The following VPS13D variants were observed in gnomAD, a reference collection of about 807,000 sequenced individuals.
VPS13D encodes intermembrane lipid transfer protein VPS13D.
Under a neutral mutation model 461.9 loss-of-function variants are expected in VPS13D, and 187 were observed. The observed-to-expected ratio is 0.40, with a 90% confidence interval of 0.36 to 0.46. The LOEUF is 0.46. VPS13D is among the 20% of genes least tolerant of loss of function. The probability of loss-of-function intolerance (pLI) is 0.60; values close to 1 mark genes in which losing one functional copy is unlikely to be tolerated. For missense variants in VPS13D, 4,711 were observed against 5,364.9 expected (o/e 0.88, Z 3.81); for synonymous variants, 1,951 against 1,986.3 (o/e 0.98, Z 0.47).
chr1:12,278,169 C>A, intron 19 of VPS13D, 131 bp downstream of exon 19: 1 of 1,015,760 alleles, frequency 9.8e-7, no homozygotes, highest in Non-Finnish European at 1.4e-6. Flanking sequence ...TTTAAGAAAT[C>A]AAAGAGTTTT....
chr1:12,477,441 G>T (rs1645647243), intron 67 of VPS13D, among the ~76,000 whole-genome samples: 1 of 152,156 alleles, frequency 6.6e-6, no homozygotes, highest in African/African-American at 2.4e-5. Context: ...CACTTGGAGA[G>T]CCTGGATTCA....
At chr1:12,259,543 A>G (rs1287780136) in intron 10 of VPS13D, among the ~76,000 whole-genome samples, 2 of 152,000 alleles carry the variant, frequency 1.3e-5, no homozygotes, top group Non-Finnish European at 2.9e-5. Context: ...GGCTCAAGCA[A>G]TTTGCCCGCT....
chr1:12,292,713 A>G (rs1386647143), intron 23 of VPS13D, among the ~76,000 whole-genome samples: 4 of 152,102 alleles, frequency 2.6e-5, no homozygotes, highest in African/African-American at 9.7e-5. Context: ...TGTTGGGATT[A>G]CAGGCGTGAG....
intron 16 of VPS13D, among the ~76,000 whole-genome samples, chr1:12,270,469 A>G (rs76280073): frequency 1.3e-5 from 2 of 152,024 alleles, no homozygotes; most frequent in Non-Finnish European, 1.5e-5. Flanking sequence ...AGAAGAAGAG[A>G]AAAAAAAGAA....
At chr1:12,504,935 CGCTGGGGGCTGGGG>C (rs547242784) in intron 68 of VPS13D, among the ~76,000 whole-genome samples, 93 of 151,726 alleles carry the variant, frequency 6.1e-4, no homozygotes, top group African/African-American at 2.0e-3. Context: ...AGGGTGGTGG[CGCTGGGGGCTGGGG>C]GCTGGGGGCT....
At chr1:12,375,765 C>T (rs1644189189) in intron 55 of VPS13D, among the ~76,000 whole-genome samples, 1 of 152,208 alleles carries the variant, frequency 6.6e-6, no homozygotes, top group South Asian at 2.1e-4. Flanking sequence ...TGGCTTCAGC[C>T]CCTGCTCTGG....
At chr1:12,498,276 T>C (rs1237515245) in intron 68 of VPS13D, among the ~76,000 whole-genome samples, 2 of 152,070 alleles carry the variant, frequency 1.3e-5, no homozygotes, top group African/African-American at 4.8e-5. Context: ...TGTCTGGGAG[T>C]AGCAAAATAC....
intron 55 of VPS13D, among the ~76,000 whole-genome samples, chr1:12,377,051 CT>C (rs1244096196): frequency 2.0e-5 from 3 of 151,358 alleles, no homozygotes; most frequent in Non-Finnish European, 4.4e-5. Flanking sequence ...GAGTTTTTTT[CT>C]TTTTTTCTTT....
chr1:12,321,389 T>C (rs1643031222), intron 32 of VPS13D, among the ~76,000 whole-genome samples: 1 of 152,228 alleles, frequency 6.6e-6, no homozygotes, highest in Admixed American at 6.5e-5. Flanking sequence ...GTTGTAACTG[T>C]CTTCTTAAAA....
intron 65 of VPS13D, among the ~76,000 whole-genome samples, chr1:12,422,493 A>G (rs558719847): frequency 3.3e-5 from 5 of 152,240 alleles, no homozygotes; most frequent in African/African-American, 1.2e-4. Flanking sequence ...ATTTTATTCT[A>G]TGTTGTTTTA....
At position 12,391,009 on chromosome 1, in the gene VPS13D, C is replaced by G. The variant is rs191852004; in HGVS notation, c.11634+4675C>G. The stretch of plus-strand genomic sequence containing the variant: ...CAAGTATCTTCAGTTTTTGACCACT[C>G]AGAGAGGTCCATCCACATACCTATT... On this transcript the variant is annotated intron_variant, in intron 60 of 69. Coordinates refer to ENST00000620676, the MANE Select transcript of VPS13D (RefSeq NM_015378.4). Among the ~76,000 whole-genome samples the G allele has an allele frequency of 1.3e-4, 20 of 152,318 alleles. No homozygotes were observed. In the East Asian group the frequency reaches 3.7e-3, roughly 28 times the overall value.
intron 3 of VPS13D, among the ~76,000 whole-genome samples, chr1:12,243,318 A>G (rs975853253): frequency 6.6e-6 from 1 of 152,072 alleles, no homozygotes; most frequent in African/African-American, 2.4e-5. Flanking sequence ...AGGCTGGAGT[A>G]CAGGGATGCT....
chr1:12,259,117 T>C (rs948157055), intron 10 of VPS13D, among the ~76,000 whole-genome samples: 1 of 151,818 alleles, frequency 6.6e-6, no homozygotes, highest in African/African-American at 2.4e-5. Context: ...TCATGGTCAC[T>C]GCAACCTCCG....
intron 55 of VPS13D, among the ~76,000 whole-genome samples, chr1:12,374,940 G>T (rs1185552377): frequency 6.6e-6 from 1 of 152,210 alleles, no homozygotes; most frequent in African/African-American, 2.4e-5. Context: ...GTTTCGCCAT[G>T]TTGGCCAGGC....
At chr1:12,387,583 C>T (rs1644365942) in intron 60 of VPS13D, among the ~76,000 whole-genome samples, 1 of 151,634 alleles carries the variant, frequency 6.6e-6, no homozygotes, top group South Asian at 2.1e-4. Flanking sequence ...AAAACTGATT[C>T]ACAACTGGCA....
At chr1:12,235,764 G>A (rs1640128886) in intron 2 of VPS13D, among the ~76,000 whole-genome samples, 1 of 152,152 alleles carries the variant, frequency 6.6e-6, no homozygotes, top group South Asian at 2.1e-4. Context: ...TGAGCAGTCT[G>A]TCAGGGAAGA....
chr1:12,499,755 A>G (rs576978808), intron 68 of VPS13D: 12 of 985,316 alleles, frequency 1.2e-5, no homozygotes, highest in Middle Eastern at 5.2e-4. Flanking sequence ...CCAAGTGTAC[A>G]AGGAAGAAGC....
Position 12,257,032 on chromosome 1 carries a change from A to C in VPS13D, c.886A>C (p.Lys296Gln), listed in dbSNP as rs1202054434. The C allele has an allele frequency of 6.2e-7, 1 of 1,614,162 alleles. No homozygotes were observed. Among genetic ancestry groups the C allele is most frequent in the Non-Finnish European group, 8.5e-7 (1 of 1,180,020 alleles). Reference sequence around the variant, plus strand: ...GGAATTCCTCAAGGAGCTGGAACGAAAGGAGAGGCAGGTGAAGTTCCGAAG... The same window carrying C: ...GGAATTCCTCAAGGAGCTGGAACGACAGGAGAGGCAGGTGAAGTTCCGAAG... ...IMEFLKELER[K>Q]ERQVKFRRWK... The change falls in exon 9 of 70, where the codon AAG becomes CAG. Residue 296 changes from lysine (K) to glutamine (Q), a missense_variant. By Grantham distance (53) the Lys-to-Gln change is moderately conservative. Coordinates refer to ENST00000620676, the MANE Select transcript of VPS13D (RefSeq NM_015378.4).
chr1:12,416,874 C>A (rs1327237920), intron 65 of VPS13D, 47 bp downstream of exon 65: 1 of 1,528,952 alleles, frequency 6.5e-7, no homozygotes, highest in Non-Finnish European at 8.8e-7. Context: ...CTCACGAGTC[C>A]TCTACAGTAC....
Sources: allele counts gnomAD v4.1 joint callset (sites outside exome capture counted in the v4.1 genomes callset), GRCh38; gene constraint gnomAD v4.1.1; transcripts MANE v1.5; gene names NCBI Gene and HGNC (gene_info 2026-07-23, HGNC 2026-07-21).